The following SH2D4B variants were observed in gnomAD, a reference collection of about 807,000 sequenced individuals.
SH2D4B encodes SH2 domain containing 4B.
A neutral mutation model predicts 61.5 loss-of-function variants in SH2D4B; 45 were observed. The ratio of observed to expected loss-of-function variants is 0.73; its 90% confidence interval spans 0.58 to 0.94. SH2D4B has a LOEUF of 0.94. Ranked by LOEUF, SH2D4B falls within the 40% of genes least tolerant of loss-of-function variation. The pLI is 0.00. For missense variants in SH2D4B, 572 were observed against 574.2 expected, an observed-to-expected ratio of 1.00 and a Z score of 0.04; for synonymous variants, 224 against 220.4, an observed-to-expected ratio of 1.02 and a Z score of -0.14.
At chr10:80,544,405 C>G (rs1841637451) in intron 1 of SH2D4B, among the ~76,000 whole-genome samples, 1 of 152,254 alleles carries the variant, frequency 6.6e-6, no homozygotes. Context: ...CCGCGAGGGT[C>G]CGTGGCTTTA....
chr10:80,631,210 A>G (rs965502009), intron 6 of SH2D4B, among the ~76,000 whole-genome samples: 3 of 152,232 alleles, frequency 2.0e-5, no homozygotes, highest in Admixed American at 2.0e-4. Context: ...AGCATTATTC[A>G]CAATAGCCAA....
chr10:80,571,878 T>C (rs1329392439), intron 3 of SH2D4B, among the ~76,000 whole-genome samples: 1 of 151,056 alleles, frequency 6.6e-6, no homozygotes, highest in Non-Finnish European at 1.5e-5. Context: ...GTTCACGCCA[T>C]TCTCCTACCT....
At chr10:80,571,720 C>A in intron 3 of SH2D4B, 142 bp downstream of exon 3, 1 of 871,350 alleles carries the variant, frequency 1.1e-6, no homozygotes, top group Non-Finnish European at 1.7e-6. Flanking sequence ...AATGTCTGAG[C>A]AGGAAGGAAC....
chr10:80,551,398 T>TA (rs985255555), intron 1 of SH2D4B, among the ~76,000 whole-genome samples: 1 of 151,744 alleles, frequency 6.6e-6, no homozygotes, highest in African/African-American at 2.4e-5. Context: ...ATGCCAAACT[T>TA]AAAAAAAGAA....
intron 1 of SH2D4B, among the ~76,000 whole-genome samples, chr10:80,543,343 G>A (rs1030260368): frequency 3.9e-5 from 6 of 152,106 alleles, no homozygotes; most frequent in South Asian, 4.1e-4. Context: ...CACTCGGAGC[G>A]GCCGGCCACC....
chr10:80,583,661 C>G (rs543079628), intron 3 of SH2D4B, among the ~76,000 whole-genome samples: 1 of 151,870 alleles, frequency 6.6e-6, no homozygotes, highest in South Asian at 2.1e-4. Context: ...CAGTGAGACT[C>G]TGTCTCAAAA....
At chr10:80,628,727 T>C (rs150678595) in intron 6 of SH2D4B, among the ~76,000 whole-genome samples, 12 of 152,278 alleles carry the variant, frequency 7.9e-5, no homozygotes, top group Non-Finnish European at 1.3e-4. Context: ...CATTCTTGCA[T>C]TGCTATAAAG....
chr10:80,634,558 A>G, intron 7 of SH2D4B, 53 bp downstream of exon 7: 1 of 1,537,832 alleles, frequency 6.5e-7, no homozygotes, highest in Non-Finnish European at 8.8e-7. Context: ...TGGAAATTGG[A>G]GCTGAAGAGA....
intron 6 of SH2D4B, among the ~76,000 whole-genome samples, chr10:80,631,729 C>T (rs566442960): frequency 6.6e-6 from 1 of 151,984 alleles, no homozygotes; most frequent in South Asian, 2.1e-4. Context: ...CTCATGATCT[C>T]ACTTATATGT....
At chr10:80,638,774 G>A (rs1018432492) in intron 7 of SH2D4B, among the ~76,000 whole-genome samples, 1 of 152,126 alleles carries the variant, frequency 6.6e-6, no homozygotes, top group Non-Finnish European at 1.5e-5. Flanking sequence ...GGTTTTTTGT[G>A]TGTCTATCTC....
Position 80,603,625 on chromosome 10 carries a change from G to C in SH2D4B, c.690G>C (p.Gln230His), listed in dbSNP as rs148470229. 6.3e-7 allele frequency: 1 copy of C among 1,588,604 alleles called. No homozygotes were observed. Among genetic ancestry groups the C allele is most frequent in the African/African-American group, 1.3e-5 (1 of 74,722 alleles). The change falls in exon 5 of 8, where the codon CAG becomes CAC. Residue 230 changes from glutamine (Q) to histidine (H), a missense_variant. Coordinates refer to ENST00000646907, the MANE Select transcript of SH2D4B (RefSeq NM_001388272.1). ...ATGAGGAGAGGAGCCGCCGAGCCCA[G>C]CGCGCCCGGGACGAGTACCGACACC... Reference protein sequence around the residue: ...AADEERSRRAQRARDEYRHHS... With the variant: ...AADEERSRRAHRARDEYRHHS...
At chr10:80,643,805 T>TC (rs111527502) in intron 7 of SH2D4B, among the ~76,000 whole-genome samples, 188 bp from the exon 8 acceptor site, 1 of 152,096 alleles carries the variant, frequency 6.6e-6, no homozygotes, top group African/African-American at 2.4e-5. Context: ...TTTTTTTTTT[T>TC]CCAGTACTTT....
chr10:80,554,741 G>A (rs1279976850), intron 1 of SH2D4B, among the ~76,000 whole-genome samples: 1 of 152,140 alleles, frequency 6.6e-6, no homozygotes, highest in East Asian at 1.9e-4. Context: ...TGGGCGCGGT[G>A]GCTTACGCCT....
chr10:80,547,076 A>G (rs754630805), intron 1 of SH2D4B, among the ~76,000 whole-genome samples: 2 of 152,214 alleles, frequency 1.3e-5, no homozygotes, highest in Admixed American at 1.3e-4. Flanking sequence ...CCCAATAACA[A>G]TAGTTGCTTG....
intron 3 of SH2D4B, among the ~76,000 whole-genome samples, chr10:80,576,978 G>C (rs1842133054): frequency 1.3e-5 from 2 of 152,320 alleles, no homozygotes; most frequent in Non-Finnish European, 2.9e-5. Context: ...TGTTAGCCAA[G>C]TTGGTCTCGA....
intron 5 of SH2D4B, chr10:80,607,234 G>A (rs1268821550): frequency 6.6e-6 from 1 of 152,204 alleles, no homozygotes; most frequent in Non-Finnish European, 1.5e-5. Context: ...GCCTTCTAAG[G>A]AAAGCGAGTC....
At chr10:80,574,501 A>G (rs1208988094) in intron 3 of SH2D4B, among the ~76,000 whole-genome samples, 1 of 152,088 alleles carries the variant, frequency 6.6e-6, no homozygotes, top group Non-Finnish European at 1.5e-5. Flanking sequence ...ATAAGATTGT[A>G]CCCATTATTT....
chr10:80,577,798 G>A (rs1218925474), intron 3 of SH2D4B, among the ~76,000 whole-genome samples: 1 of 151,686 alleles, frequency 6.6e-6, no homozygotes. Context: ...TCCTGACCTC[G>A]TGATCTGCCT....
chr10:80,575,223 G>A (rs1842110995), intron 3 of SH2D4B, among the ~76,000 whole-genome samples: 1 of 151,434 alleles, frequency 6.6e-6, no homozygotes, highest in Non-Finnish European at 1.5e-5. Context: ...AATAATTGGT[G>A]AATTTAAATG....
Sources: allele counts gnomAD v4.1 joint callset (sites outside exome capture counted in the v4.1 genomes callset), GRCh38; gene constraint gnomAD v4.1.1; transcripts MANE v1.5; gene names NCBI Gene and HGNC (gene_info 2026-07-23, HGNC 2026-07-21).